The following AKAP6 variants were observed in gnomAD, a reference collection of about 807,000 sequenced individuals.
AKAP6 encodes A-kinase anchor protein 6.
Under a neutral mutation model 188.5 loss-of-function variants are expected in AKAP6, and 58 were observed. That is an observed-to-expected ratio of 0.31 (90% CI 0.25 to 0.38). The LOEUF (loss-of-function observed/expected upper bound fraction) is 0.38. AKAP6 is among the 10% of genes least tolerant of loss of function. AKAP6 has a pLI of 1.00. For missense variants in AKAP6, 2,710 were observed against 2,740.0 expected (o/e 0.99, Z 0.24); for synonymous variants, 989 against 998.6 (o/e 0.99, Z 0.18).
At chr14:32,467,221 AC>A (rs80209209) in intron 2 of AKAP6, among the ~76,000 whole-genome samples, 3,284 of 71,818 alleles carry the variant, frequency 0.046, 47 homozygotes, top group Middle Eastern at 0.11. Context: ...GGAAAAAAAA[AC>A]AAAAACAAAA....
At chr14:32,583,345 C>T (rs61983025) in intron 5 of AKAP6, among the ~76,000 whole-genome samples, 21,121 of 152,060 alleles carry the variant, frequency 0.14, 1,921 homozygotes, top group Non-Finnish European at 0.2. Context: ...ATCGTTCCTC[C>T]GGAAGTTTTG....
At position 32,546,492 on chromosome 14, in the gene AKAP6, C is replaced by T. The variant is rs146406917; in HGVS notation, c.1839C>T (p.His613=). Residue 613 remains histidine, a synonymous_variant, in exon 4 of 14, where the codon CAC becomes CAT. Coordinates refer to ENST00000280979, the MANE Select transcript of AKAP6 (RefSeq NM_004274.5). ...AAGGTCAAGCCTCCTCTCCAAGTCA[C>T]GTCACTAGGAATGGTGAGGTTGTGG... ...SKKGQASSPS[H]VTRNGEVVEA... 2.7e-5 allele frequency: 43 copies of T among 1,614,140 alleles called. 1 individual carries two copies. Among genetic ancestry groups the T allele is most frequent in the Middle Eastern group, 1.6e-4 (1 of 6,062 alleles).
chr14:32,671,305 A>G (rs561220031), intron 7 of AKAP6, among the ~76,000 whole-genome samples: 2 of 152,304 alleles, frequency 1.3e-5, no homozygotes, highest in South Asian at 4.1e-4. Context: ...CCAAGGACTG[A>G]CCACTGCATG....
chr14:32,605,720 ACAGGTCATGTACAAATTGTGC>A (rs1886102842), intron 7 of AKAP6, among the ~76,000 whole-genome samples: 1 of 152,192 alleles, frequency 6.6e-6, no homozygotes, highest in South Asian at 2.1e-4. Context: ...GTGACCTTGC[ACAGGTCATGTACAAATTGTGC>A]CATGAAATGC....
chr14:32,668,843 A>G (rs150647991), intron 7 of AKAP6, among the ~76,000 whole-genome samples: 3 of 152,238 alleles, frequency 2.0e-5, no homozygotes, highest in African/African-American at 7.2e-5. Flanking sequence ...AAAGATTAGT[A>G]TATGCAGTGG....
intron 2 of AKAP6, among the ~76,000 whole-genome samples, chr14:32,437,634 T>C (rs1664363765): frequency 6.6e-6 from 1 of 152,056 alleles, no homozygotes; most frequent in Admixed American, 6.6e-5. Flanking sequence ...TCTCACTCCG[T>C]CACCCAGACT....
chr14:32,673,638 G>A (rs1340142623), intron 7 of AKAP6, among the ~76,000 whole-genome samples: 1 of 152,192 alleles, frequency 6.6e-6, no homozygotes, highest in Non-Finnish European at 1.5e-5. Context: ...GGGAGGCTGA[G>A]GTAGGAGATT....
At chr14:32,638,038 A>T (rs1183747763) in intron 7 of AKAP6, among the ~76,000 whole-genome samples, 3 of 152,080 alleles carry the variant, frequency 2.0e-5, no homozygotes, top group Non-Finnish European at 2.9e-5. Context: ...ACATATTTTT[A>T]AATTAGGGTA....
chr14:32,666,594 A>G (rs1888947771), intron 7 of AKAP6, among the ~76,000 whole-genome samples: 1 of 152,116 alleles, frequency 6.6e-6, no homozygotes, highest in Non-Finnish European at 1.5e-5. Context: ...CATAATATCT[A>G]GTGATTATCC....
At chr14:32,437,705 T>C (rs1350642139) in intron 2 of AKAP6, among the ~76,000 whole-genome samples, 1 of 152,050 alleles carries the variant, frequency 6.6e-6, no homozygotes, top group Non-Finnish European at 1.5e-5. Context: ...CAAGAGATGC[T>C]CCTGCCTCAG....
At chr14:32,634,881 T>G (rs1887420940) in intron 7 of AKAP6, among the ~76,000 whole-genome samples, 1 of 150,376 alleles carries the variant, frequency 6.6e-6, no homozygotes, top group African/African-American at 2.4e-5. Flanking sequence ...TTTTCTTTTC[T>G]TTTTTTTTAA....
intron 2 of AKAP6, among the ~76,000 whole-genome samples, chr14:32,470,138 A>G (rs1392252077): frequency 1.3e-5 from 2 of 152,162 alleles, no homozygotes; most frequent in East Asian, 1.9e-4. Context: ...AAAAACCCAC[A>G]AAACATCAAC....
intron 11 of AKAP6, among the ~76,000 whole-genome samples, chr14:32,740,879 GT>G (rs1174598690): frequency 6.6e-6 from 1 of 151,840 alleles, no homozygotes; most frequent in Non-Finnish European, 1.5e-5. Flanking sequence ...TTTTAAAATT[GT>G]TTTTTCCATT....
intron 1 of AKAP6, among the ~76,000 whole-genome samples, chr14:32,343,916 C>T (rs183888054): frequency 1.3e-5 from 2 of 152,136 alleles, no homozygotes; most frequent in East Asian, 3.9e-4. Flanking sequence ...TCATAACGTT[C>T]TCTGAATTCC....
chr14:32,795,652 GAGC>G (rs1555363324), intron 12 of AKAP6, among the ~76,000 whole-genome samples: 1 of 152,038 alleles, frequency 6.6e-6, no homozygotes. Context: ...AAAATAATAA[GAGC>G]CATTTATGAC....
At chr14:32,803,143 T>C (rs2140095019) in intron 12 of AKAP6, among the ~76,000 whole-genome samples, 2 of 151,874 alleles carry the variant, frequency 1.3e-5, no homozygotes, top group African/African-American at 4.8e-5. Flanking sequence ...AAATATTTTA[T>C]GAATTAAGAA....
chr14:32,342,091 C>T (rs1322327997), intron 1 of AKAP6, among the ~76,000 whole-genome samples: 1 of 152,146 alleles, frequency 6.6e-6, no homozygotes, highest in African/African-American at 2.4e-5. Flanking sequence ...ATCTTTGAGT[C>T]TCTACCTTTT....
chr14:32,644,937 G>GT (rs1434735707), intron 7 of AKAP6, among the ~76,000 whole-genome samples: 1 of 152,032 alleles, frequency 6.6e-6, no homozygotes, highest in African/African-American at 2.4e-5. Flanking sequence ...AGACTAACGG[G>GT]TATATATACC....
At chr14:32,689,876 G>C (rs146837592) in intron 8 of AKAP6, among the ~76,000 whole-genome samples, 3 of 152,006 alleles carry the variant, frequency 2.0e-5, no homozygotes, top group Non-Finnish European at 4.4e-5. Flanking sequence ...AACTTTCCTA[G>C]GCAAATAATG....
Sources: allele counts gnomAD v4.1 joint callset (sites outside exome capture counted in the v4.1 genomes callset), GRCh38; gene constraint gnomAD v4.1.1; transcripts MANE v1.5; gene names NCBI Gene and HGNC (gene_info 2026-07-23, HGNC 2026-07-21).